The following PPFIBP2 variants were observed in gnomAD, a reference collection of about 807,000 sequenced individuals.
The protein encoded by PPFIBP2 is liprin-beta-2.
In PPFIBP2, 118 loss-of-function variants were observed where a neutral mutation model predicts 118.3. That is an observed-to-expected ratio of 1.00 (90% confidence interval 0.86 to 1.16). PPFIBP2 has a LOEUF of 1.16. Among genes scored for constraint, PPFIBP2 ranks in the 50% most tolerant of loss-of-function variants. The pLI, the probability that PPFIBP2 is intolerant of heterozygous loss-of-function variation, is 0.00. For synonymous variants in PPFIBP2, 414 were observed against 397.4 expected (o/e 1.04, Z -0.50); for missense variants, 1,195 against 1,073.1 (o/e 1.11, Z -1.59).
In PPFIBP2 at chr11:7,630,983, G is replaced by A; in HGVS notation, c.1023G>A (p.Lys341=). Residue 341 remains lysine (K), a synonymous_variant, in exon 11 of 24, where the codon AAG becomes AAA. Coordinates refer to ENST00000299492, the MANE Select transcript of PPFIBP2 (RefSeq NM_003621.5). ...NEEEPEGGFS[K]WNATNKDPEE... ...AAGAACCGGAGGGAGGTTTCAGCAA[G>A]TGGAACGCTACAAATAAGGACCCTG... 1 of 1,614,130 alleles carries A rather than the reference G, an allele frequency of 6.2e-7. No homozygotes were observed. Among genetic ancestry groups the A allele is most frequent in the Non-Finnish European group, 8.5e-7 (1 of 1,179,984 alleles).
At chr11:7,548,346 A>G (rs572249751) in intron 1 of PPFIBP2, 1 of 152,374 alleles carries the variant, frequency 6.6e-6, no homozygotes, top group South Asian at 2.1e-4. Context: ...CTTCACAGGA[A>G]AAACTGGCGG....
Position 7,650,847 on chromosome 11 carries a change from T to C in PPFIBP2, c.2129T>C (p.Leu710Pro). The change falls in exon 22 of 24, where the codon CTT becomes CCT. Residue 710 changes from leucine to proline, a missense_variant. Transcript: ENST00000299492. ...TCCTTCTCCCTCTGACAGAGTAACCTTTCTCCTTCAGAAGTTGTACAGTGG... is the reference window on the plus strand; with the variant it reads ...TCCTTCTCCCTCTGACAGAGTAACCCTTCTCCTTCAGAAGTTGTACAGTGG... The part of the protein sequence containing the change: ...LHRRPADESN[L>P]SPSEVVQWSN... 3.1e-6 allele frequency: 5 copies of C among 1,613,828 alleles called. No individual in the cohort carries two copies. The highest frequency in any genetic ancestry group is 1.3e-5 in the African/African-American group (1 of 75,046).
At chr11:7,561,982 A>C (rs992332548) in intron 2 of PPFIBP2, among the ~76,000 whole-genome samples, 2 of 152,182 alleles carry the variant, frequency 1.3e-5, no homozygotes, top group African/African-American at 4.8e-5. Context: ...GAGTCGGGGG[A>C]AAGTTTCAGG....
At chr11:7,647,035 G>C (rs1853190932) in intron 17 of PPFIBP2, among the ~76,000 whole-genome samples, 1 of 152,232 alleles carries the variant, frequency 6.6e-6, no homozygotes, top group African/African-American at 2.4e-5. Context: ...CCAGGTTCCA[G>C]ATTATGATTG....
In PPFIBP2 at chr11:7,606,886, A is replaced by ATTTTTTTTTTTTTTTT. The variant is rs529585905; in HGVS notation, c.487-3378_487-3363dup. Among the ~76,000 whole-genome samples, 32 of 51,440 alleles carry ATTTTTTTTTTTTTTTT rather than the reference A, an allele frequency of 6.2e-4. 11 individuals carry two copies. The highest frequency in any genetic ancestry group is 8.9e-4 in the Non-Finnish European group (24 of 26,918). The allele number at this position is 51,440 out of a possible 152,430, so 33.7% of individuals were successfully genotyped here. On this transcript the variant is annotated intron_variant, in intron 5 of 23. Transcript: ENST00000299492. Reference sequence around the variant, plus strand: ...CTGATCAGAAGACAAAACTGCATGAATTTTTTTTTTTTTTTTTTTTTTTTT... The same window carrying ATTTTTTTTTTTTTTTT: ...CTGATCAGAAGACAAAACTGCATGAATTTTTTTTTTTTTTTTTTTTTTTTTTTTTTTTTTTTTTTTT...
At chr11:7,652,881 C>G (rs983299169) in intron 23 of PPFIBP2, 143 bp from the exon 24 acceptor site, 2 of 985,244 alleles carry the variant, frequency 2.0e-6, no homozygotes, top group African/African-American at 3.3e-5. Flanking sequence ...TCCAAGAGCT[C>G]TGTTTTGTTC....
chr11:7,545,859 G>A (rs1852271080), intron 1 of PPFIBP2, among the ~76,000 whole-genome samples: 2 of 152,212 alleles, frequency 1.3e-5, no homozygotes, highest in African/African-American at 4.8e-5. Context: ...TAGAGGGTTA[G>A]AACTTTCAGC....
chr11:7,563,130 C>G (rs1040835185), intron 2 of PPFIBP2, among the ~76,000 whole-genome samples: 1 of 151,404 alleles, frequency 6.6e-6, no homozygotes, highest in African/African-American at 2.4e-5. Flanking sequence ...CAAGGCCACA[C>G]AGTGATATAA....
chr11:7,516,818 C>T (rs1268337689), intron 1 of PPFIBP2, among the ~76,000 whole-genome samples: 4 of 152,056 alleles, frequency 2.6e-5, no homozygotes, highest in African/African-American at 4.8e-5. Flanking sequence ...ACACTGCTGG[C>T]GCAACTGGCC....
chr11:7,642,949 T>C (rs749647487), intron 17 of PPFIBP2, among the ~76,000 whole-genome samples: 25 of 152,334 alleles, frequency 1.6e-4, no homozygotes, highest in Non-Finnish European at 3.1e-4. Context: ...AACAGGTTTC[T>C]AGTCTTACCA....
At chr11:7,553,890 A>C (rs1853277801) in intron 2 of PPFIBP2, among the ~76,000 whole-genome samples, 1 of 152,146 alleles carries the variant, frequency 6.6e-6, no homozygotes, top group African/African-American at 2.4e-5. Flanking sequence ...CTGTAGGAGA[A>C]AAGAATTAAC....
intron 5 of PPFIBP2, chr11:7,605,881 A>C (rs1223825954): frequency 9.4e-6 from 14 of 1,495,252 alleles, no homozygotes; most frequent in Non-Finnish European, 1.1e-5. Flanking sequence ...TGACTGTGCT[A>C]CTGAGAAGCT....
chr11:7,599,797 A>ATTTTTTTTT (rs1200161212), intron 5 of PPFIBP2, among the ~76,000 whole-genome samples: 1 of 117,388 alleles, frequency 8.5e-6, no homozygotes, highest in South Asian at 2.9e-4. Context: ...CGCCCGGCTA[A>ATTTTTTTTT]TTTTTTTTTT....
At position 7,565,555 on chromosome 11, in the gene PPFIBP2, A is replaced by T. The variant is rs1486123600; in HGVS notation, c.67A>T (p.Thr23Ser). ...TTTTCACCTCTCTCTCATTGCAGGC[A>T]CTAAAACAGGTGCAGATCTTAGTGA... ...LEQMDGIIAG[T>S]KTGADLSDGT... is the part of the protein sequence containing the mutation. The change falls in exon 3 of 24, where the codon ACT becomes TCT. Residue 23 changes from threonine to serine, a missense_variant and splice_region_variant. Thr to Ser is a moderately conservative substitution (Grantham distance 58). Transcript: ENST00000299492. The T allele has an allele frequency of 6.2e-7, 1 of 1,614,038 alleles. No homozygotes were observed. The highest frequency in any genetic ancestry group is 1.7e-5 in the Admixed American group (1 of 60,000).
chr11:7,661,088 C>G (rs539866252), downstream of PPFIBP2, among the ~76,000 whole-genome samples: 6 of 151,932 alleles, frequency 3.9e-5, no homozygotes, highest in South Asian at 1.0e-3. Context: ...TTAATCCTTT[C>G]AAAAAACCAG....
intron 5 of PPFIBP2, chr11:7,598,165 C>T: frequency 5.9e-6 from 1 of 169,524 alleles, no homozygotes. Context: ...CTGTTCCCTA[C>T]CATTCAAATA....
rs763890435 is a variant in PPFIBP2, at chr11:7,648,761, GC to G, written c.1798-37del. On this transcript the variant is annotated intron_variant, in intron 18 of 23. Coordinates refer to ENST00000299492, the MANE Select transcript of PPFIBP2 (RefSeq NM_003621.5). The stretch of plus-strand genomic sequence containing the variant: ...GCTTTCTCTGAGGGCCAAATTGCCT[GC>G]CAAAATTTCACATGTGGTCTTCATC... 9.5e-5 allele frequency: 152 copies of G among 1,594,526 alleles called. 2 individuals carry two copies. In the South Asian group the frequency reaches 1.1e-3, roughly 11 times the overall value.
At chr11:7,582,628 C>T (rs1319478035) in intron 3 of PPFIBP2, among the ~76,000 whole-genome samples, 1 of 152,030 alleles carries the variant, frequency 6.6e-6, no homozygotes, top group Non-Finnish European at 1.5e-5. Flanking sequence ...TTTCTCTGTC[C>T]CTTCCTCCAT....
intron 7 of PPFIBP2, 66 bp from the exon 8 acceptor site, chr11:7,625,711 G>A (rs1469981112): frequency 2.4e-5 from 32 of 1,325,498 alleles, no homozygotes; most frequent in South Asian, 1.8e-4. Flanking sequence ...GGACTCTGAC[G>A]GGAGGCACTT....
Sources: allele counts gnomAD v4.1 joint callset (sites outside exome capture counted in the v4.1 genomes callset), GRCh38; gene constraint gnomAD v4.1.1; transcripts MANE v1.5; gene names NCBI Gene and HGNC (gene_info 2026-07-23, HGNC 2026-07-21).